PIKFYVE: variants seen among roughly 807,000 people sequenced by gnomAD.
PIKFYVE encodes the protein 1-phosphatidylinositol 3-phosphate 5-kinase.
In PIKFYVE, 122 loss-of-function variants were observed where a neutral mutation model predicts 257.9. The ratio of observed to expected loss-of-function variants is 0.47; its 90% CI spans 0.41 to 0.55. The LOEUF is 0.55. PIKFYVE is among the 20% of genes least tolerant of loss of function. The pLI is 0.00. For synonymous variants in PIKFYVE, 892 were observed against 868.9 expected (o/e 1.03, Z -0.47); for missense variants, 2,160 against 2,536.6 (o/e 0.85, Z 3.19).
Position 208,298,749 on chromosome 2 carries a change from G to T in PIKFYVE, c.1020G>T (p.Glu340Asp). 1.2e-6 allele frequency: 2 copies of T among 1,614,162 alleles called. No individual in the cohort carries two copies. Among genetic ancestry groups the T allele is most frequent in the Non-Finnish European group, 1.7e-6 (2 of 1,180,020 alleles). ...PQANRTYVRT[E>D]TTEDERKILL... ...CTAACCGAACATATGTTAGGACAGA[G>T]ACCACTGAGGATGAACGCAAAATTC... The change falls in exon 8 of 42, where the codon GAG (glutamate) becomes GAT (aspartate). Residue 340 changes from glutamate (E) to aspartate (D), a missense_variant. Glu to Asp is a conservative substitution (Grantham distance 45, BLOSUM62 2). Transcript: ENST00000264380.
intron 16 of PIKFYVE, among the ~76,000 whole-genome samples, chr2:208,318,663 G>T (rs933823004): frequency 2.0e-5 from 3 of 152,098 alleles, no homozygotes; most frequent in African/African-American, 7.2e-5. Context: ...GGAAATGGTG[G>T]TACTGTATTT....
intron 5 of PIKFYVE, among the ~76,000 whole-genome samples, chr2:208,285,305 A>G (rs1014802451): frequency 2.0e-5 from 3 of 152,158 alleles, no homozygotes; most frequent in African/African-American, 7.2e-5. Context: ...CATGTTGGCC[A>G]GGCTAGTCTT....
At chr2:208,347,452 A>C (rs1449980470) in intron 34 of PIKFYVE, among the ~76,000 whole-genome samples, 1 of 152,180 alleles carries the variant, frequency 6.6e-6, no homozygotes, top group Non-Finnish European at 1.5e-5. Context: ...TAGCTTGTGA[A>C]ATTGTTTTGT....
At chr2:208,342,228 A>C (rs1455992287) in intron 31 of PIKFYVE, among the ~76,000 whole-genome samples, 2 of 152,158 alleles carry the variant, frequency 1.3e-5, no homozygotes, top group Non-Finnish European at 2.9e-5. Flanking sequence ...TCTTCTCCAC[A>C]ATTTCTAGAA....
rs1215445015 is a variant in PIKFYVE at position 208,336,146 on chromosome 2, C to T, written c.4466C>T (p.Ser1489Leu). The change falls in exon 27 of 42, where the codon TCA (serine) becomes TTA (leucine). Residue 1489 changes from serine to leucine, a missense_variant. Physicochemically the swap from Ser to Leu is moderately radical, Grantham distance 145 (BLOSUM62 -2). Transcript: ENST00000264380. ...TPQQLQSVFE[S>L]LIAKKQSLCE... is the part of the protein sequence containing the mutation. ...CAGCAACTGCAGTCGGTCTTTGAGTCACTCATTGCCAAGAAACAAAGTCTC... is the reference window on the plus strand; with the variant it reads ...CAGCAACTGCAGTCGGTCTTTGAGTTACTCATTGCCAAGAAACAAAGTCTC... 8 of 1,613,948 alleles carry T rather than the reference C, an allele frequency of 5.0e-6. No individual in the cohort carries two copies. The highest frequency in any genetic ancestry group is 6.8e-6 in the Non-Finnish European group (8 of 1,179,980).
intron 7 of PIKFYVE, among the ~76,000 whole-genome samples, chr2:208,289,942 C>A (rs1306669373): frequency 2.0e-5 from 3 of 152,038 alleles, no homozygotes; most frequent in Non-Finnish European, 4.4e-5. Flanking sequence ...ACATCATTAT[C>A]CTTTATATAT....
In PIKFYVE at chr2:208,357,510, A is replaced by G. The variant is rs1700226243; in HGVS notation, c.*2205A>G. The G allele has an allele frequency of 1.3e-5, 2 of 152,266 alleles. No homozygotes were observed. The highest frequency in any genetic ancestry group is 1.3e-4 in the Admixed American group (2 of 15,282). 9.4% of individuals were successfully genotyped at this position (152,266 alleles called of 1,614,324 possible). A position where few individuals can be genotyped will look rare whatever the true frequency, so the allele number is the denominator to read the frequency against. On this transcript the variant is annotated 3_prime_UTR_variant, in exon 42 of 42. Transcript: ENST00000264380. ...CATGACTTGAACAACTGTGTTTTAA[A>G]GTACTGTAGTCTAGTAGGTAACTTT...
At chr2:208,283,123 C>A (rs1227600320) in intron 5 of PIKFYVE, among the ~76,000 whole-genome samples, 1 of 152,018 alleles carries the variant, frequency 6.6e-6, no homozygotes, top group African/African-American at 2.4e-5. Context: ...GGATTGGGGA[C>A]CCCTGGGGTA....
chr2:208,274,820 AAC>A (rs1162633491), intron 3 of PIKFYVE, among the ~76,000 whole-genome samples: 1 of 152,196 alleles, frequency 6.6e-6, no homozygotes, highest in Non-Finnish European at 1.5e-5. Flanking sequence ...GACTCACAAC[AAC>A]ACTCTTTTTG....
chr2:208,320,244 T>G lies in PIKFYVE; in HGVS notation c.2083-8T>G. Reference sequence around the variant, plus strand: ...TAAACACTTTAACAAACTGTTCATTTTTTGTAGATGAGTTCTTGTATTAAA... The same window carrying G: ...TAAACACTTTAACAAACTGTTCATTGTTTGTAGATGAGTTCTTGTATTAAA... On this transcript the variant is annotated splice_region_variant and splice_polypyrimidine_tract_variant and intron_variant, in intron 16 of 41. Coordinates refer to ENST00000264380, the MANE Select transcript of PIKFYVE (RefSeq NM_015040.4). 6.2e-7 allele frequency: 1 copy of G among 1,610,274 alleles called. No homozygotes were observed. Among genetic ancestry groups the G allele is most frequent in the Non-Finnish European group, 8.5e-7 (1 of 1,177,740 alleles).
At chr2:208,305,191 A>G in intron 12 of PIKFYVE, 178 bp downstream of exon 12, 1 of 1,502,430 alleles carries the variant, frequency 6.7e-7, no homozygotes, top group Non-Finnish European at 8.9e-7. Flanking sequence ...TTTTTGGTTG[A>G]TTCCTTTTAT....
chr2:208,298,581 A>G, intron 7 of PIKFYVE, 60 bp from the exon 8 acceptor site: 1 of 1,584,180 alleles, frequency 6.3e-7, no homozygotes, highest in Non-Finnish European at 8.7e-7. Context: ...TTTTCTCTGT[A>G]ATTCTGTTTA....
Position 208,333,996 on chromosome 2 carries a change from C to G in PIKFYVE, c.4142+503C>G, listed in dbSNP as rs184117227. 2.1e-3 allele frequency among the ~76,000 whole-genome samples: 315 copies of G among 152,264 alleles called. 2 individuals are homozygous for G. The highest frequency in any genetic ancestry group is 7.1e-3 in the African/African-American group (294 of 41,554). On this transcript the variant is annotated intron_variant, in intron 24 of 41. Transcript: ENST00000264380. ...CATCTGATGGCATCTGAAAGTCTGTCAGAATTTTTGCCAAGATATTAACCA... is the reference window on the plus strand; with the variant it reads ...CATCTGATGGCATCTGAAAGTCTGTGAGAATTTTTGCCAAGATATTAACCA...
At chr2:208,344,568 A>T (rs2363579) in intron 32 of PIKFYVE, among the ~76,000 whole-genome samples, 141,383 of 152,126 alleles carry the variant, frequency 0.93, 66,239 homozygotes, top group Non-Finnish European at 0.98. Context: ...TCTAGCTGAG[A>T]TCATCTTTTT....
chr2:208,284,370 C>T (rs1384457837), intron 5 of PIKFYVE, among the ~76,000 whole-genome samples: 1 of 151,824 alleles, frequency 6.6e-6, no homozygotes, highest in East Asian at 1.9e-4. Flanking sequence ...AAGCGATTCT[C>T]CCACCGCAGC....
rs201074898 is a variant in PIKFYVE at position 208,306,787 on chromosome 2, T to TC, written c.1636+1774_1636+1775insC. The stretch of plus-strand genomic sequence containing the variant: ...CCCTGATTTCAATCCTTTTTTTTTT[T>TC]TTTTCTAAGAGACAGGGTCTGACTC... On this transcript the variant is annotated intron_variant, in intron 12 of 41. Coordinates refer to ENST00000264380, the MANE Select transcript of PIKFYVE (RefSeq NM_015040.4). 2.9e-3 allele frequency among the ~76,000 whole-genome samples: 168 copies of TC among 58,684 alleles called. 1 individual carries two copies. Among genetic ancestry groups the TC allele is most frequent in the African/African-American group, 7.9e-3 (160 of 20,166 alleles). 38.5% of individuals were successfully genotyped at this position (58,684 alleles called of 152,430 possible). A position where few individuals can be genotyped will look rare whatever the true frequency, so the allele number is the denominator to read the frequency against.
intron 6 of PIKFYVE, among the ~76,000 whole-genome samples, chr2:208,288,191 T>G (rs1559061528): frequency 6.6e-6 from 1 of 152,204 alleles, no homozygotes; most frequent in Non-Finnish European, 1.5e-5. Context: ...TGCTAATTGC[T>G]TAATGTTCAT....
Position 208,291,355 on chromosome 2 carries a change from C to T in PIKFYVE, c.911+2537C>T, listed in dbSNP as rs566582889. Among the ~76,000 whole-genome samples, 15 of 152,010 alleles carry T rather than the reference C, an allele frequency of 9.9e-5. No individual in the cohort carries two copies. The South Asian group carries it at 2.5e-3, about 25-fold the overall frequency. Reference sequence around the variant, plus strand: ...ATGCCTGGGATAAATTCCATTTGGTCGTGGTTTATATAGTTTTTTATACAT... The same window carrying T: ...ATGCCTGGGATAAATTCCATTTGGTTGTGGTTTATATAGTTTTTTATACAT... On this transcript the variant is annotated intron_variant, in intron 7 of 41. Coordinates refer to ENST00000264380, the MANE Select transcript of PIKFYVE (RefSeq NM_015040.4).
intron 9 of PIKFYVE, 55 bp from the exon 10 acceptor site, chr2:208,302,187 C>A: frequency 6.8e-7 from 1 of 1,465,858 alleles, no homozygotes; most frequent in South Asian, 1.1e-5. Flanking sequence ...TTATCTGGTA[C>A]TTAACTATTC....
Sources: allele counts gnomAD v4.1 joint callset (sites outside exome capture counted in the v4.1 genomes callset), GRCh38; gene constraint gnomAD v4.1.1; transcripts MANE v1.5; gene names NCBI Gene and HGNC (gene_info 2026-07-23, HGNC 2026-07-21).